The following TNRC6B variants were observed in gnomAD, a reference collection of about 807,000 sequenced individuals.
TNRC6B encodes trinucleotide repeat containing adaptor 6B, also known as trinucleotide repeat-containing gene 6B protein.
Under a neutral mutation model 203.6 loss-of-function variants are expected in TNRC6B, and 52 were observed. The observed-to-expected ratio is 0.26, with a 90% CI of 0.20 to 0.32. TNRC6B has a LOEUF of 0.32. Ranked by LOEUF, TNRC6B falls within the 10% of genes least tolerant of loss-of-function variation. The pLI is 1.00. For missense variants in TNRC6B, 1,923 were observed against 2,286.2 expected, an observed-to-expected ratio of 0.84 and a Z score of 3.24; for synonymous variants, 838 against 845.7, an observed-to-expected ratio of 0.99 and a Z score of 0.16.
At chr22:40,046,650 T>G (rs1185664216) in intron 1 of TNRC6B, among the ~76,000 whole-genome samples, 1 of 148,846 alleles carries the variant, frequency 6.7e-6, no homozygotes, top group Non-Finnish European at 1.5e-5. Flanking sequence ...TCTCAATTTT[T>G]TTTTTTTTTT....
intron 2 of TNRC6B, among the ~76,000 whole-genome samples, chr22:40,123,467 A>G (rs949781679): frequency 1.3e-5 from 2 of 152,206 alleles, no homozygotes; most frequent in African/African-American, 4.8e-5. Flanking sequence ...TTCATAGAAG[A>G]AACAACCACT....
intron 3 of TNRC6B, among the ~76,000 whole-genome samples, chr22:40,260,243 T>G (rs556809940): frequency 4.5e-4 from 69 of 152,246 alleles, no homozygotes; most frequent in Non-Finnish European, 9.3e-4. Flanking sequence ...TTTGTAACAT[T>G]TCTAGTATTT....
At chr22:40,102,423 G>A (rs1367688318) in intron 1 of TNRC6B, among the ~76,000 whole-genome samples, 1 of 152,122 alleles carries the variant, frequency 6.6e-6, no homozygotes, top group Admixed American at 6.5e-5. Flanking sequence ...AAGATATTTA[G>A]TATGTGACAT....
At chr22:40,319,299 A>G (rs139914) in intron 21 of TNRC6B, among the ~76,000 whole-genome samples, 102,801 of 151,316 alleles carry the variant, frequency 0.68, 36,786 homozygotes, top group African/African-American at 0.91. Context: ...TCTTGATACA[A>G]TTGTCACCCC....
chr22:40,191,292 G>A lies in TNRC6B; in HGVS notation c.5+13152G>A, dbSNP rs78845189. Among the ~76,000 whole-genome samples the A allele has an allele frequency of 3.9e-3, 597 of 152,284 alleles. 2 individuals are homozygous for A. Among genetic ancestry groups the A allele is most frequent in the Middle Eastern group, 6.8e-3 (2 of 294 alleles). On this transcript the variant is annotated intron_variant, in intron 1 of 22. Transcript: ENST00000454349. ...ATAGTACCCACCTTGAAGAGTGATC[G>A]TGAAGATTCAGTGAGAACTTGTTTC...
At chr22:40,191,452 T>C (rs2069272115) in intron 1 of TNRC6B, among the ~76,000 whole-genome samples, 1 of 152,094 alleles carries the variant, frequency 6.6e-6, no homozygotes, top group Non-Finnish European at 1.5e-5. Context: ...GACAAAGAGT[T>C]AGGGAGTGAG....
rs772905654 is a variant in TNRC6B at position 40,132,183 on chromosome 22, A to G, written c.45+6321A>G. Among the ~76,000 whole-genome samples the G allele has an allele frequency of 5.8e-4, 89 of 152,272 alleles. 1 individual carries two copies. The highest frequency in any genetic ancestry group is 1.2e-3 in the Non-Finnish European group (79 of 68,022). Reference sequence around the variant, plus strand: ...GCCAACATAGCAAAACCCCATCTCTACTAAAAATACAAAAATTAGCTGGGC... The same window carrying G: ...GCCAACATAGCAAAACCCCATCTCTGCTAAAAATACAAAAATTAGCTGGGC... On this transcript the variant is annotated intron_variant, in intron 3 of 23. Transcript: ENST00000301923.
chr22:40,251,268 C>A, intron 3 of TNRC6B, 68 bp downstream of exon 3: 1 of 1,273,912 alleles, frequency 7.8e-7, no homozygotes, highest in Non-Finnish European at 1.1e-6. Context: ...CTGTTGCTGA[C>A]TCAGCCTCCA....
At chr22:40,315,140 TTGC>T (rs1220066538) in intron 19 of TNRC6B, 140 bp from the exon 20 acceptor site, 1 of 685,902 alleles carries the variant, frequency 1.5e-6, no homozygotes, top group Non-Finnish European at 2.5e-6. Context: ...TTATTTTGTA[TTGC>T]TGTGCTTAAA....
intron 1 of TNRC6B, among the ~76,000 whole-genome samples, chr22:40,220,858 C>T (rs561202717): frequency 6.6e-6 from 1 of 152,238 alleles, no homozygotes; most frequent in African/African-American, 2.4e-5. Context: ...CAAGACTGGA[C>T]TCGTTGGTCT....
At position 40,113,345 on chromosome 22, in the gene TNRC6B, C is replaced by A. The variant is rs578005341; in HGVS notation, c.-120-3710C>A. Among the ~76,000 whole-genome samples the A allele has an allele frequency of 2.0e-5, 3 of 152,238 alleles. No individual in the cohort carries two copies. The East Asian group carries it at 5.8e-4, about 29-fold the overall frequency. On this transcript the variant is annotated intron_variant, in intron 1 of 23. Transcript: ENST00000301923. ...ACTAAATAAAACCATCTGTTTCTAG[C>A]AGATCTACCTCCACCTGTGCTCCTT...
intron 1 of TNRC6B, among the ~76,000 whole-genome samples, chr22:40,208,129 AAAAC>A (rs1270851441): frequency 0.011 from 1,217 of 108,294 alleles, 34 homozygotes; most frequent in Non-Finnish European, 0.02. Flanking sequence ...AAAAAAAAAA[AAAAC>A]AAAAAAACAA....
chr22:40,143,007 C>T (rs935055808), intron 3 of TNRC6B, among the ~76,000 whole-genome samples: 1 of 152,172 alleles, frequency 6.6e-6, no homozygotes, highest in African/African-American at 2.4e-5. Flanking sequence ...TGTCTGCATT[C>T]ATAACCTTGG....
At chr22:40,064,616 T>C (rs1007228996) in intron 1 of TNRC6B, among the ~76,000 whole-genome samples, 3 of 151,374 alleles carry the variant, frequency 2.0e-5, no homozygotes, top group African/African-American at 7.3e-5. Context: ...TATAATCCTT[T>C]TTTTTTTTTT....
intron 1 of TNRC6B, among the ~76,000 whole-genome samples, chr22:40,222,282 A>G (rs1039931325): frequency 6.6e-6 from 1 of 152,222 alleles, no homozygotes; most frequent in Non-Finnish European, 1.5e-5. Flanking sequence ...ACCGCTCTAC[A>G]GAATGCTGAG....
At chr22:40,296,324 G>GC (rs1236636259) in intron 12 of TNRC6B, among the ~76,000 whole-genome samples, 2 of 145,638 alleles carry the variant, frequency 1.4e-5, no homozygotes, top group Non-Finnish European at 3.0e-5. Context: ...GGAGAATGGT[G>GC]AATTTTTTTT....
At position 40,122,800 on chromosome 22, in the gene TNRC6B, G is replaced by C. The variant is rs186050776; in HGVS notation, c.-46-2972G>C. Among the ~76,000 whole-genome samples, 417 of 152,310 alleles carry C rather than the reference G, an allele frequency of 2.7e-3. 4 individuals are homozygous for C. The highest frequency in any genetic ancestry group is 8.8e-3 in the African/African-American group (366 of 41,566). ...TTGGTCATCTCCATGTACTTATTAA[G>C]TACCTATTATGTATCAAGTGCAAAT... On this transcript the variant is annotated intron_variant, in intron 2 of 23. Transcript: ENST00000301923.
intron 4 of TNRC6B, among the ~76,000 whole-genome samples, chr22:40,158,478 C>T (rs924003690): frequency 9.9e-5 from 15 of 152,116 alleles, no homozygotes; most frequent in African/African-American, 3.4e-4. Flanking sequence ...ATATCCATTT[C>T]TCAAACAAAC....
At chr22:40,296,504 T>C (rs2070944269) in intron 12 of TNRC6B, among the ~76,000 whole-genome samples, 1 of 151,282 alleles carries the variant, frequency 6.6e-6, no homozygotes, top group South Asian at 2.1e-4. Context: ...GCTAATTTTT[T>C]TGTATTTTTA....
Sources: allele counts gnomAD v4.1 joint callset (sites outside exome capture counted in the v4.1 genomes callset), GRCh38; gene constraint gnomAD v4.1.1; transcripts MANE v1.5; gene names NCBI Gene and HGNC (gene_info 2026-07-23, HGNC 2026-07-21).